Variants in ANKFY1 observed in about 807,000 individuals in gnomAD.
ANKFY1 encodes ankyrin repeat and FYVE domain-containing protein 1.
Under a neutral mutation model 128.3 loss-of-function variants are expected in ANKFY1, and 47 were observed. The observed-to-expected ratio is 0.37, with a 90% CI of 0.29 to 0.47. The LOEUF is 0.47. Ranked by LOEUF, ANKFY1 falls within the 20% of genes least tolerant of loss-of-function variation. ANKFY1 has a pLI of 1.00. For missense variants in ANKFY1, 1,222 were observed against 1,510.6 expected (o/e 0.81, Z 3.17); for synonymous variants, 553 against 601.6 (o/e 0.92, Z 1.18).
chr17:4,209,980 C>T, intron 4 of ANKFY1, 33 bp from the exon 5 acceptor site: 1 of 1,586,950 alleles, frequency 6.3e-7, no homozygotes, highest in Non-Finnish European at 8.6e-7. Context: ...AGGAGTATTA[C>T]TGGACAAATA....
intron 11 of ANKFY1, 69 bp from the exon 12 acceptor site, chr17:4,185,115 T>C (rs1430618068): frequency 2.3e-5 from 33 of 1,444,398 alleles, no homozygotes; most frequent in Non-Finnish European, 2.2e-5. Flanking sequence ...CGTGGCAGCC[T>C]AAGTGCAAAA....
At chr17:4,216,183 CAA>C (rs777788965) in intron 4 of ANKFY1, among the ~76,000 whole-genome samples, 13 of 152,294 alleles carry the variant, frequency 8.5e-5, no homozygotes, top group East Asian at 5.8e-4. Context: ...CTCTAGGCAG[CAA>C]AGTCTCTCTA....
At chr17:4,189,010 A>G (rs1365220153) in intron 11 of ANKFY1, 8 of 217,404 alleles carry the variant, frequency 3.7e-5, no homozygotes, top group Non-Finnish European at 7.3e-5. Context: ...ATAGACTCAT[A>G]CGTGACAATC....
At chr17:4,211,202 G>A (rs554482380) in intron 4 of ANKFY1, among the ~76,000 whole-genome samples, 7 of 151,922 alleles carry the variant, frequency 4.6e-5, no homozygotes, top group African/African-American at 1.7e-4. Flanking sequence ...TCAGGAGGTC[G>A]TGACCAGCCT....
intron 2 of ANKFY1, among the ~76,000 whole-genome samples, chr17:4,238,354 T>C (rs1258286103): frequency 6.6e-6 from 1 of 152,168 alleles, no homozygotes; most frequent in East Asian, 1.9e-4. Flanking sequence ...TAGAAACTGA[T>C]TCCTCAGTTT....
chr17:4,237,693 G>A lies in ANKFY1; in HGVS notation c.204-1803C>T, dbSNP rs181977080. 6.0e-3 allele frequency among the ~76,000 whole-genome samples: 916 copies of A among 152,132 alleles called. 6 individuals carry two copies. The highest frequency in any genetic ancestry group is 8.7e-3 in the Non-Finnish European group (594 of 67,998). On this transcript the variant is annotated intron_variant, in intron 2 of 24. Transcript: ENST00000341657. The stretch of plus-strand genomic sequence containing the variant: ...ATCTGACATATCAAAGGGAAATAAA[G>A]ATAAGGATTTCATCAATAATTTCCA...
At chr17:4,192,989 TATATA>T (rs1248412565) in intron 10 of ANKFY1, among the ~76,000 whole-genome samples, 23 of 152,080 alleles carry the variant, frequency 1.5e-4, no homozygotes, top group South Asian at 2.1e-4. Flanking sequence ...CAATTAAAAC[TATATA>T]ATATAAAATT....
chr17:4,254,712 A>T (rs183179412), intron 1 of ANKFY1, among the ~76,000 whole-genome samples: 1 of 152,214 alleles, frequency 6.6e-6, no homozygotes, highest in African/African-American at 2.4e-5. Context: ...TTAATGCCCT[A>T]GTAACTTTTT....
chr17:4,242,167 A>G, intron 2 of ANKFY1, 89 bp downstream of exon 2: 1 of 1,296,572 alleles, frequency 7.7e-7, no homozygotes, highest in Non-Finnish European at 1.0e-6. Context: ...TTAGAGATAA[A>G]TAAATTTTGG....
At position 4,209,901 on chromosome 17, in the gene ANKFY1, G is replaced by A. The variant is rs868175371; in HGVS notation, c.505C>T (p.Arg169Cys). 17 of 1,613,824 alleles carry A rather than the reference G, an allele frequency of 1.1e-5. No individual in the cohort carries two copies. In the African/African-American group the frequency reaches 1.2e-4, roughly 11 times the overall value. ...MSLVNVRNCIRFYQTAEELNA... is the reference protein window; with the variant it reads ...MSLVNVRNCICFYQTAEELNA... ...AGCTCCTCTGCCGTCTGGTAGAAGC[G>A]AATACAGTTCCTGACATTCACTAGA... Residue 169 changes from arginine (R) to cysteine (C), a missense_variant, in exon 5 of 25, where the codon CGC becomes TGC. Physicochemically the swap from Arg to Cys is radical, Grantham distance 180 (BLOSUM62 -3). Coordinates refer to ENST00000341657, the MANE Select transcript of ANKFY1 (RefSeq NM_001330063.2).
chr17:4,194,009 C>T (rs867310999), intron 10 of ANKFY1, among the ~76,000 whole-genome samples: 1 of 151,020 alleles, frequency 6.6e-6, no homozygotes, highest in African/African-American at 2.4e-5. Context: ...CCACCGGCCT[C>T]AGCCTCCCAA....
Position 4,263,929 on chromosome 17 carries a change from T to C in ANKFY1, c.10+3A>G. 2 of 1,613,882 alleles carry C rather than the reference T, an allele frequency of 1.2e-6. No homozygotes were observed. Among genetic ancestry groups the C allele is most frequent in the South Asian group, 1.1e-5 (1 of 91,090 alleles). On this transcript the variant is annotated splice_donor_region_variant and intron_variant, in intron 1 of 24. Transcript: ENST00000341657. ...CCCGCGCGGCTCCACAAAAAAACCC[T>C]ACCTTCCGCCATGTCTGGCCCGGCA...
chr17:4,222,489 G>A, intron 3 of ANKFY1: 1 of 888,400 alleles, frequency 1.1e-6, no homozygotes, highest in Non-Finnish European at 1.9e-6. Flanking sequence ...ACCTGCCCCA[G>A]GGCAACATTT....
In ANKFY1 at chr17:4,183,895, G is replaced by T. The variant is rs2059563106; in HGVS notation, c.1715C>A (p.Ala572Asp). 6.2e-7 allele frequency: 1 copy of T among 1,612,908 alleles called. No homozygotes were observed. Among genetic ancestry groups the T allele is most frequent in the Non-Finnish European group, 8.5e-7 (1 of 1,178,882 alleles). ...CGGAATGATCTGCAAGTTGTTGGTG[G>T]CATGAAGAGCATTGGCTAAATGTTT... ...ILEQKANALH[A>D]TNNLQIIPDF... is the part of the protein sequence containing the mutation. Residue 572 changes from alanine (A) to aspartate (D), a missense_variant, in exon 13 of 25, where the codon GCC becomes GAC. By Grantham distance (126) the Ala-to-Asp change is moderately radical. Coordinates refer to ENST00000341657, the MANE Select transcript of ANKFY1 (RefSeq NM_001330063.2).
chr17:4,238,949 G>C (rs958299405), intron 2 of ANKFY1, among the ~76,000 whole-genome samples: 10 of 152,144 alleles, frequency 6.6e-5, no homozygotes, highest in African/African-American at 2.4e-4. Flanking sequence ...AGTAGAGACA[G>C]AGTTTCGCCA....
chr17:4,215,341 GA>G (rs931349075), intron 4 of ANKFY1, among the ~76,000 whole-genome samples: 8 of 147,442 alleles, frequency 5.4e-5, no homozygotes, highest in Admixed American at 3.4e-4. Context: ...CTCCGTGGTA[GA>G]AAAAAAAAGA....
intron 1 of ANKFY1, among the ~76,000 whole-genome samples, chr17:4,251,937 G>A (rs1967855839): frequency 6.6e-6 from 1 of 151,864 alleles, no homozygotes; most frequent in African/African-American, 2.4e-5. Context: ...GGGAGGATGA[G>A]GCAGGGGAAT....
intron 4 of ANKFY1, among the ~76,000 whole-genome samples, chr17:4,210,623 G>T (rs1302471773): frequency 1.5e-5 from 2 of 136,374 alleles, no homozygotes; most frequent in Non-Finnish European, 3.1e-5. Flanking sequence ...CAGGAGAATC[G>T]CTTGAACCCA....
chr17:4,242,243 G>T lies in ANKFY1; in HGVS notation c.203+13C>A. On this transcript the variant is annotated intron_variant, in intron 2 of 24. Coordinates refer to ENST00000341657, the MANE Select transcript of ANKFY1 (RefSeq NM_001330063.2). ...AAAGCCAAAGGGCCTTCTGTGTCTA[G>T]GAGCTCTCCCACCTGTACTGCTCCT... The T allele has an allele frequency of 6.6e-7, 1 of 1,512,206 alleles. No individual in the cohort carries two copies. 93.7% of individuals were successfully genotyped at this position (1,512,206 alleles called of 1,614,324 possible).
Sources: gnomAD v4.1 joint callset for allele counts (sites outside exome capture counted in the v4.1 genomes callset) on GRCh38, gnomAD v4.1.1 for gene constraint, MANE v1.5 for transcripts, NCBI Gene and HGNC (gene_info 2026-07-23, HGNC 2026-07-21) for gene names.